SGCZ: variants seen among roughly 807,000 people sequenced by gnomAD.
SGCZ encodes zeta-sarcoglycan.
In SGCZ, 40 loss-of-function variants were observed where a neutral mutation model predicts 41.3. That is an observed-to-expected ratio of 0.97 (90% CI 0.75 to 1.26). The LOEUF is 1.26. Among genes scored for constraint, SGCZ ranks in the 50% most tolerant of loss-of-function variants. The pLI, the probability that SGCZ is intolerant of heterozygous loss-of-function variation, is 0.00. For missense variants in SGCZ, 552 were observed against 369.8 expected (o/e 1.49, Z -4.04); for synonymous variants, 206 against 137.5 (o/e 1.50, Z -3.49).
intron 1 of SGCZ, among the ~76,000 whole-genome samples, chr8:14,605,719 T>A (rs1489788260): frequency 6.6e-6 from 1 of 152,204 alleles, no homozygotes; most frequent in Non-Finnish European, 1.5e-5. Context: ...TCACTTCTTA[T>A]TTGCAGATAT....
intron 2 of SGCZ, among the ~76,000 whole-genome samples, chr8:14,531,212 G>A (rs1803120344): frequency 6.6e-6 from 1 of 151,384 alleles, no homozygotes; most frequent in Non-Finnish European, 1.5e-5. Flanking sequence ...AAACCTATCA[G>A]CATACGTTTC....
At chr8:14,518,396 A>C (rs896196170) in intron 2 of SGCZ, among the ~76,000 whole-genome samples, 12 of 152,120 alleles carry the variant, frequency 7.9e-5, no homozygotes, top group Non-Finnish European at 1.2e-4. Context: ...TACACATGGA[A>C]TAAATATCGG....
At chr8:15,015,939 T>C (rs1585475979) in intron 1 of SGCZ, among the ~76,000 whole-genome samples, 2 of 152,078 alleles carry the variant, frequency 1.3e-5, no homozygotes, top group Admixed American at 6.6e-5. Flanking sequence ...CTTCTTTCCA[T>C]TTTCCTGACA....
intron 1 of SGCZ, among the ~76,000 whole-genome samples, chr8:14,634,145 T>G (rs1017502506): frequency 2.6e-5 from 4 of 152,002 alleles, no homozygotes; most frequent in Admixed American, 2.6e-4. Flanking sequence ...AGAAAAAAAT[T>G]TTTTAAAGCT....
chr8:14,589,315 C>A lies in SGCZ; in HGVS notation c.40-34389G>T, dbSNP rs1585104614. On this transcript the variant is annotated intron_variant, in intron 1 of 7. Transcript: ENST00000382080. ...GAGCTGAGATTGCACCACTGCACTCCAGCCTGGATGACAGAGTGAGACTCC... is the reference window on the plus strand; with the variant it reads ...GAGCTGAGATTGCACCACTGCACTCAAGCCTGGATGACAGAGTGAGACTCC... 2.7e-5 allele frequency among the ~76,000 whole-genome samples: 4 copies of A among 147,804 alleles called. No homozygotes were observed. The South Asian group carries it at 8.6e-4, about 32-fold the overall frequency.
intron 1 of SGCZ, among the ~76,000 whole-genome samples, chr8:14,936,796 G>C (rs919226542): frequency 5.3e-5 from 8 of 151,778 alleles, no homozygotes; most frequent in Admixed American, 3.3e-4. Flanking sequence ...TATGAAGAAA[G>C]TGTAACTAAT....
intron 1 of SGCZ, among the ~76,000 whole-genome samples, chr8:14,788,606 G>C (rs1268899790): frequency 2.6e-5 from 4 of 152,132 alleles, no homozygotes; most frequent in Non-Finnish European, 4.4e-5. Context: ...TGGTAGAAAA[G>C]TTAAAGAGGC....
chr8:14,346,198 G>A (rs1303168731), intron 2 of SGCZ, among the ~76,000 whole-genome samples: 1 of 151,938 alleles, frequency 6.6e-6, no homozygotes, highest in Non-Finnish European at 1.5e-5. Context: ...CTGGGGTTGT[G>A]GAGTGAGTTG....
At chr8:14,944,680 G>A (rs1800383260) in intron 1 of SGCZ, among the ~76,000 whole-genome samples, 1 of 152,036 alleles carries the variant, frequency 6.6e-6, no homozygotes, top group Non-Finnish European at 1.5e-5. Flanking sequence ...TATGTACATG[G>A]GCTCTTTAAC....
At chr8:14,259,948 G>C (rs191466291) in intron 3 of SGCZ, among the ~76,000 whole-genome samples, 8 of 152,296 alleles carry the variant, frequency 5.3e-5, no homozygotes, top group Admixed American at 1.3e-4. Flanking sequence ...CATGAGCATG[G>C]AATGTTAATT....
chr8:14,120,357 G>GT (rs1802660704), intron 5 of SGCZ, among the ~76,000 whole-genome samples: 3 of 152,106 alleles, frequency 2.0e-5, no homozygotes, highest in Admixed American at 1.3e-4. Flanking sequence ...GAGAACAGAA[G>GT]TAAATTTCTC....
intron 4 of SGCZ, among the ~76,000 whole-genome samples, chr8:14,224,082 C>A (rs1806292095): frequency 6.6e-6 from 1 of 152,186 alleles, no homozygotes; most frequent in African/African-American, 2.4e-5. Context: ...ACATCTTTGA[C>A]ACTATTCTGG....
chr8:14,710,675 C>T (rs1031287799), intron 1 of SGCZ, among the ~76,000 whole-genome samples: 5 of 151,954 alleles, frequency 3.3e-5, no homozygotes, highest in African/African-American at 1.2e-4. Flanking sequence ...TTTCAGGACA[C>T]ATAATTTGTA....
chr8:14,723,725 G>A (rs2250506), intron 1 of SGCZ, among the ~76,000 whole-genome samples: 110,349 of 151,714 alleles, frequency 0.73, 40,220 homozygotes, highest in Admixed American at 0.77. Context: ...TGTCTATATA[G>A]TGCATCTATG....
rs1158292530 is a variant in SGCZ at position 14,846,701 on chromosome 8, TCCAAAAAA to T, written c.40-291783_40-291776del. 5.7e-3 allele frequency among the ~76,000 whole-genome samples: 578 copies of T among 102,048 alleles called. 5 individuals carry two copies. The highest frequency in any genetic ancestry group is 7.0e-3 in the Non-Finnish European group (361 of 51,580). 66.9% of individuals were successfully genotyped at this position (102,048 alleles called of 152,430 possible). A position where few individuals can be genotyped will look rare whatever the true frequency, so the allele number is the denominator to read the frequency against. On this transcript the variant is annotated intron_variant, in intron 1 of 7. Transcript: ENST00000382080. The stretch of plus-strand genomic sequence containing the variant: ...GAATTTGTAGCTAAAACCCTTTAAA[TCCAAAAAA>T]AAAAAAAAAAAAAAAAAAAGTCAGA...
chr8:15,231,971 G>A (rs1448870289), intron 1 of SGCZ, among the ~76,000 whole-genome samples: 1 of 152,134 alleles, frequency 6.6e-6, no homozygotes, highest in Non-Finnish European at 1.5e-5. Flanking sequence ...GTCACAGAGA[G>A]TTTTAGAAGC....
At chr8:14,621,619 G>A (rs1383386640) in intron 1 of SGCZ, among the ~76,000 whole-genome samples, 2 of 152,050 alleles carry the variant, frequency 1.3e-5, no homozygotes, top group African/African-American at 4.8e-5. Context: ...AGAAGGTGAA[G>A]GGGAGGCTTA....
intron 4 of SGCZ, 71 bp from the exon 5 acceptor site, chr8:14,164,773 T>G: frequency 1.3e-6 from 2 of 1,555,184 alleles, no homozygotes; most frequent in Non-Finnish European, 1.8e-6. Context: ...TTTTTGGAAA[T>G]AGACTAGAAA....
intron 1 of SGCZ, among the ~76,000 whole-genome samples, chr8:14,675,273 G>A (rs139435811): frequency 6.6e-4 from 100 of 151,868 alleles, no homozygotes; most frequent in African/African-American, 2.3e-3. Context: ...CCAGTCTCAG[G>A]TATTTATTTT....
Sources: gnomAD v4.1 joint callset for allele counts (sites outside exome capture counted in the v4.1 genomes callset) on GRCh38, gnomAD v4.1.1 for gene constraint, MANE v1.5 for transcripts, NCBI Gene and HGNC (gene_info 2026-07-23, HGNC 2026-07-21) for gene names.